Variants in ZNF385D observed in about 807,000 individuals in gnomAD.
ZNF385D encodes zinc finger protein 385D.
ZNF385D carries 15 observed loss-of-function variants against 35.8 expected under a neutral mutation model. The ratio of observed to expected loss-of-function variants is 0.42; its 90% CI spans 0.28 to 0.64. The LOEUF (loss-of-function observed/expected upper bound fraction) is 0.64. Among genes scored for constraint, ZNF385D ranks in the 30% least tolerant of loss-of-function variants. ZNF385D has a pLI of 0.23. For synonymous variants in ZNF385D, 212 were observed against 186.8 expected (o/e 1.13, Z -1.10); for missense variants, 474 against 494.6 (o/e 0.96, Z 0.39).
At chr3:22,281,387 T>C (rs1011347448) in intron 2 of ZNF385D, among the ~76,000 whole-genome samples, 2 of 152,060 alleles carry the variant, frequency 1.3e-5, no homozygotes, top group African/African-American at 4.8e-5. Flanking sequence ...ATACATGGCT[T>C]TTATTACCCT....
At chr3:21,932,622 A>G (rs1181503738) in intron 3 of ZNF385D, among the ~76,000 whole-genome samples, 1 of 151,872 alleles carries the variant, frequency 6.6e-6, no homozygotes, top group Non-Finnish European at 1.5e-5. Context: ...TGGAGTCAGG[A>G]TTATTTTCTT....
chr3:22,213,675 T>C (rs949234811), intron 2 of ZNF385D, among the ~76,000 whole-genome samples: 2 of 152,010 alleles, frequency 1.3e-5, no homozygotes, highest in African/African-American at 4.8e-5. Context: ...TGGCATATTG[T>C]TCATTAAGTC....
At chr3:22,074,831 T>C (rs889367657) in intron 3 of ZNF385D, among the ~76,000 whole-genome samples, 1 of 151,922 alleles carries the variant, frequency 6.6e-6, no homozygotes, top group South Asian at 2.1e-4. Flanking sequence ...ATCCTTTCAC[T>C]GAACTCTGGA....
intron 3 of ZNF385D, among the ~76,000 whole-genome samples, chr3:22,095,898 G>C (rs1000785108): frequency 6.6e-6 from 1 of 151,746 alleles, no homozygotes; most frequent in African/African-American, 2.4e-5. Flanking sequence ...TATCATGGAG[G>C]TGATATTCAC....
chr3:22,036,168 A>G (rs547236482), intron 3 of ZNF385D, among the ~76,000 whole-genome samples: 4 of 152,326 alleles, frequency 2.6e-5, no homozygotes, highest in African/African-American at 9.6e-5. Context: ...AGTTATATCA[A>G]TTGAGAATCT....
chr3:22,037,446 A>G (rs1173084408), intron 3 of ZNF385D, among the ~76,000 whole-genome samples: 2 of 151,922 alleles, frequency 1.3e-5, no homozygotes, highest in East Asian at 1.9e-4. Context: ...TTTGATTTGC[A>G]TTTCTCTGAT....
chr3:22,233,485 T>C (rs1003997301), intron 2 of ZNF385D, among the ~76,000 whole-genome samples: 1 of 152,198 alleles, frequency 6.6e-6, no homozygotes, highest in Non-Finnish European at 1.5e-5. Flanking sequence ...GTCTTGATTG[T>C]GGTGGTAGTC....
intron 4 of ZNF385D, among the ~76,000 whole-genome samples, chr3:21,507,554 CTCT>C (rs527967589): frequency 3.4e-4 from 51 of 152,132 alleles, no homozygotes; most frequent in African/African-American, 1.1e-3. Flanking sequence ...TCTTATCTAC[CTCT>C]TCTTCTCCTT....
Position 21,506,096 on chromosome 3 carries a change from A to G in ZNF385D, c.439+4765T>C, listed in dbSNP as rs529359380. Among the ~76,000 whole-genome samples, 21 of 152,300 alleles carry G rather than the reference A, an allele frequency of 1.4e-4. No individual in the cohort carries two copies. In the South Asian group the frequency reaches 4.1e-3, roughly 30 times the overall value. ...TGATTGAAGTTAACAATAGAATGTT[A>G]TATAATTGCTGACTAATATCTGTTT... On this transcript the variant is annotated intron_variant, in intron 4 of 7. Transcript: ENST00000281523.
chr3:22,248,971 C>T (rs1257375535), intron 2 of ZNF385D, among the ~76,000 whole-genome samples: 1 of 152,118 alleles, frequency 6.6e-6, no homozygotes, highest in Non-Finnish European at 1.5e-5. Context: ...CAGGAGAGGT[C>T]ACCTGTAAGT....
exon 3 of ZNF385D, chr3:22,168,902 G>A (rs142774515): frequency 3.4e-4 from 331 of 985,738 alleles, no homozygotes; most frequent in African/African-American, 2.2e-3. Context: ...GTGCTTGAGC[G>A]GCTGAATTCA....
intron 3 of ZNF385D, among the ~76,000 whole-genome samples, chr3:21,794,455 A>G (rs967623934): frequency 2.6e-5 from 4 of 152,294 alleles, no homozygotes; most frequent in Middle Eastern, 3.4e-3. Context: ...TGCTACAACA[A>G]AACACCATAG....
At position 22,247,009 on chromosome 3, in the gene ZNF385D, A is replaced by T. The variant is rs115546372; in HGVS notation, c.107-77974T>A. Among the ~76,000 whole-genome samples the T allele has an allele frequency of 4.7e-3, 709 of 152,276 alleles. 4 individuals carry two copies. The highest frequency in any genetic ancestry group is 0.016 in the African/African-American group (649 of 41,568). On this transcript the variant is annotated intron_variant, in intron 2 of 5. Transcript: ENST00000494108. ...ATTTAAATTTAAACATTCACCATAT[A>T]CACAAACAACTTCATTTATACACTA...
chr3:22,155,639 T>C (rs1184258261), intron 3 of ZNF385D, among the ~76,000 whole-genome samples: 1 of 152,120 alleles, frequency 6.6e-6, no homozygotes, highest in Non-Finnish European at 1.5e-5. Flanking sequence ...TTGTCTCAAA[T>C]GTAAGAACTC....
chr3:21,890,376 T>C (rs989462646), intron 3 of ZNF385D, among the ~76,000 whole-genome samples: 4 of 152,258 alleles, frequency 2.6e-5, no homozygotes, highest in African/African-American at 4.8e-5. Flanking sequence ...CCCAGCACTT[T>C]GGGAGGCCGA....
At chr3:21,782,006 C>T (rs867132547) in intron 3 of ZNF385D, among the ~76,000 whole-genome samples, 7 of 152,068 alleles carry the variant, frequency 4.6e-5, no homozygotes, top group Non-Finnish European at 7.4e-5. Flanking sequence ...ATGGCTTTCC[C>T]GCCTCCACTA....
chr3:21,559,013 A>G (rs1287299180), intron 3 of ZNF385D, among the ~76,000 whole-genome samples: 5 of 115,800 alleles, frequency 4.3e-5, no homozygotes, highest in Admixed American at 2.0e-4. Context: ...TTTGCTGTCC[A>G]TTTGCTTAGT....
At chr3:21,742,850 T>A (rs2069584092) in intron 1 of ZNF385D, among the ~76,000 whole-genome samples, 1 of 152,224 alleles carries the variant, frequency 6.6e-6, no homozygotes, top group Non-Finnish European at 1.5e-5. Context: ...TCTATGTAAT[T>A]TACTAAGCAT....
chr3:21,968,396 C>G (rs1403991720), intron 3 of ZNF385D, among the ~76,000 whole-genome samples: 1 of 152,044 alleles, frequency 6.6e-6, no homozygotes, highest in Non-Finnish European at 1.5e-5. Flanking sequence ...AGCCAGTGGA[C>G]TTGAGGTACA....
Sources: allele counts gnomAD v4.1 joint callset (sites outside exome capture counted in the v4.1 genomes callset), GRCh38; gene constraint gnomAD v4.1.1; transcripts MANE v1.5; gene names NCBI Gene and HGNC (gene_info 2026-07-23, HGNC 2026-07-21).